DMD: variants seen among roughly 807,000 people sequenced by gnomAD.
The protein encoded by DMD is dystrophin, also known as mutant dystrophin.
Under a neutral mutation model 330.1 loss-of-function variants are expected in DMD, and 63 were observed. The ratio of observed to expected loss-of-function variants is 0.19; its 90% confidence interval spans 0.16 to 0.24. DMD has a LOEUF of 0.24. DMD is among the 10% of genes least tolerant of loss of function. DMD has a pLI of 1.00. For missense variants in DMD, 3,344 were observed against 2,684.1 expected (o/e 1.25, Z -5.43); for synonymous variants, 1,223 against 959.8 (o/e 1.27, Z -5.07).
intron 13 of DMD, among the ~76,000 whole-genome samples, chrX:32,582,545 A>T (rs1411091077): frequency 3.6e-5 from 4 of 112,088 alleles, no homozygotes; most frequent in African/African-American, 1.3e-4. Context: ...TTGATTCTGT[A>T]CAAGTTGATC....
chrX:32,421,030 T>C (rs1485280864), intron 29 of DMD, among the ~76,000 whole-genome samples: 1 of 111,883 alleles, frequency 8.9e-6, no homozygotes, highest in African/African-American at 3.2e-5. Flanking sequence ...CTTGAAATTG[T>C]ATCTGAGCAA....
At chrX:32,983,528 T>TACACAC (rs561986393) in intron 2 of DMD, among the ~76,000 whole-genome samples, 1,660 of 73,486 alleles carry the variant, frequency 0.023, 22 homozygotes, top group African/African-American at 0.033. Flanking sequence ...CAGAACTAAA[T>TACACAC]ACACACACAC....
Position 31,925,534 on chromosome X carries a change from T to G in DMD, c.6912+4062A>C, listed in dbSNP as rs776004334. On this transcript the variant is annotated intron_variant, in intron 47 of 78. Transcript: ENST00000357033. ...GGAGAGCAGAAGAGAATGTGTTACA[T>G]AAACAACTGGGGCAGAAAAAGAGTG... 4.5e-5 allele frequency among the ~76,000 whole-genome samples: 5 copies of G among 111,370 alleles called. No individual in the cohort carries two copies. The East Asian group carries it at 1.1e-3, about 25-fold the overall frequency.
At chrX:32,670,076 A>G (rs939406972) in intron 9 of DMD, among the ~76,000 whole-genome samples, 7 of 112,041 alleles carry the variant, frequency 6.2e-5, no homozygotes, top group Non-Finnish European at 1.1e-4. Flanking sequence ...CTCATCATTC[A>G]GTTATACCTT....
rs187835304 is a variant in DMD at position 32,661,365 on chromosome X, G to A, written c.961-16213C>T. Among the ~76,000 whole-genome samples, 11 of 108,397 alleles carry A rather than the reference G, an allele frequency of 1.0e-4. No individual in the cohort carries two copies. The East Asian group carries it at 3.1e-3, about 31-fold the overall frequency. 94.1% of individuals were successfully genotyped at this position (108,397 alleles called of 115,157 possible). A position where few individuals can be genotyped will look rare whatever the true frequency, so the allele number is the denominator to read the frequency against. Reference sequence around the variant, plus strand: ...TCTAATTTAACCTCACAACATAAGGGATGATTATTGTCTACATTTTACTAT... The same window carrying A: ...TCTAATTTAACCTCACAACATAAGGAATGATTATTGTCTACATTTTACTAT... On this transcript the variant is annotated intron_variant, in intron 9 of 78. Transcript: ENST00000357033.
chrX:31,315,758 T>C (rs1240560893), intron 62 of DMD, among the ~76,000 whole-genome samples: 1 of 112,274 alleles, frequency 8.9e-6, no homozygotes, highest in African/African-American at 3.2e-5. Context: ...CCACATGACA[T>C]ATGCCATATA....
intron 1 of DMD, among the ~76,000 whole-genome samples, chrX:33,248,350 A>C (rs1023381782): frequency 3.6e-5 from 4 of 112,402 alleles, no homozygotes; most frequent in Non-Finnish European, 3.8e-5. Context: ...CGCGAGAATA[A>C]ATAATATTTT....
At chrX:32,058,942 A>G (rs1458110009) in intron 44 of DMD, among the ~76,000 whole-genome samples, 3 of 111,659 alleles carry the variant, frequency 2.7e-5, no homozygotes, top group African/African-American at 9.7e-5. Context: ...ATATGCTACA[A>G]TGTGGATGAA....
chrX:31,774,855 A>C (rs952494249), intron 50 of DMD, among the ~76,000 whole-genome samples: 1 of 112,207 alleles, frequency 8.9e-6, no homozygotes, highest in African/African-American at 3.2e-5. Flanking sequence ...TTTTCTATTT[A>C]GACATGAAAT....
intron 55 of DMD, 26 bp downstream of exon 55, chrX:31,627,647 T>A (rs369216772): frequency 4.4e-5 from 53 of 1,200,320 alleles, no homozygotes; most frequent in Non-Finnish European, 5.7e-5. Flanking sequence ...TCCACAAGAG[T>A]GCTAAAGCGG....
intron 1 of DMD, among the ~76,000 whole-genome samples, chrX:33,261,722 T>C (rs1183168292): frequency 1.8e-5 from 2 of 109,094 alleles, no homozygotes; most frequent in Non-Finnish European, 3.8e-5. Context: ...GAATCTTCAA[T>C]ATTTCTAATT....
chrX:32,899,532 G>A (rs1176793100), intron 2 of DMD, among the ~76,000 whole-genome samples: 2 of 108,838 alleles, frequency 1.8e-5, no homozygotes, highest in East Asian at 5.8e-4. Flanking sequence ...AAATTAGCTG[G>A]TCGTGGTGGC....
chrX:32,701,726 A>G (rs2064150680), intron 7 of DMD, among the ~76,000 whole-genome samples: 1 of 111,749 alleles, frequency 8.9e-6, no homozygotes, highest in Non-Finnish European at 1.9e-5. Flanking sequence ...GCTGTGTTAT[A>G]CATAGACACA....
intron 1 of DMD, among the ~76,000 whole-genome samples, chrX:33,043,425 G>T (rs2094332440): frequency 9.0e-6 from 1 of 111,413 alleles, no homozygotes; most frequent in African/African-American, 3.3e-5. Flanking sequence ...AATGACTACT[G>T]AAGTGCTCAG....
chrX:32,755,392 G>A (rs2071380315), intron 7 of DMD, among the ~76,000 whole-genome samples: 1 of 111,348 alleles, frequency 9.0e-6, no homozygotes, highest in African/African-American at 3.3e-5. Flanking sequence ...TCCTTCTGAA[G>A]TTAAAATATT....
intron 38 of DMD, 27 bp from the exon 39 acceptor site, chrX:32,346,107 T>A (rs753830732): frequency 1.7e-6 from 2 of 1,205,437 alleles, no homozygotes; most frequent in Admixed American, 4.4e-5. Flanking sequence ...AGTACAGTCT[T>A]CATTTTGGTT....
At chrX:31,746,781 T>G (rs1277133786) in intron 51 of DMD, among the ~76,000 whole-genome samples, 1 of 110,361 alleles carries the variant, frequency 9.1e-6, no homozygotes, top group Non-Finnish European at 1.9e-5. Context: ...GGAGTGCATG[T>G]GTGTATGTGT....
intron 11 of DMD, among the ~76,000 whole-genome samples, chrX:32,626,233 G>C (rs1052476181): frequency 9.0e-6 from 1 of 111,654 alleles, no homozygotes; most frequent in African/African-American, 3.3e-5. Context: ...CATTTTGGGA[G>C]GCCGAGGTGG....
chrX:32,390,320 G>A (rs1421386154), intron 30 of DMD, 139 bp from the exon 31 acceptor site: 4 of 505,842 alleles, frequency 7.9e-6, no homozygotes, highest in African/African-American at 2.3e-5. Flanking sequence ...GGCCAAGAGT[G>A]GTGGTTCACA....
Sources: allele counts gnomAD v4.1 joint callset (sites outside exome capture counted in the v4.1 genomes callset), GRCh38; gene constraint gnomAD v4.1.1; transcripts MANE v1.5; gene names NCBI Gene and HGNC (gene_info 2026-07-23, HGNC 2026-07-21).